Variants in FHDC1 observed in about 807,000 individuals in gnomAD.
FHDC1 encodes the protein FH2 domain containing 1.
In FHDC1, 25 loss-of-function variants were observed where a neutral mutation model predicts 52.6. That is an observed-to-expected ratio of 0.48 (90% CI 0.35 to 0.66). The LOEUF (loss-of-function observed/expected upper bound fraction) is 0.66. Ranked by LOEUF, FHDC1 falls within the 30% of genes least tolerant of loss-of-function variation. FHDC1 has a pLI of 0.01. For synonymous variants in FHDC1, 616 were observed against 581.5 expected (o/e 1.06, Z -0.85); for missense variants, 1,459 against 1,452.8 (o/e 1.00, Z -0.07).
chr4:152,925,110 A>C, the FHDC1 span, among the ~76,000 whole-genome samples: 1 of 152,090 alleles, frequency 6.6e-6, no homozygotes, highest in South Asian at 2.1e-4. Context: ...GAATGCCTTT[A>C]AAACCAGCTT....
intron 2 of FHDC1, among the ~76,000 whole-genome samples, chr4:152,948,555 C>G (rs1243682964): frequency 6.6e-6 from 1 of 152,146 alleles, no homozygotes; most frequent in African/African-American, 2.4e-5. Flanking sequence ...CTGGTTCAAG[C>G]AGTTCTTCTG....
the FHDC1 span, among the ~76,000 whole-genome samples, chr4:152,914,777 A>G: frequency 3.2e-4 from 49 of 152,314 alleles, no homozygotes; most frequent in South Asian, 7.9e-3. Context: ...TACAGGTGAA[A>G]TGTACATCTA....
the FHDC1 span, among the ~76,000 whole-genome samples, chr4:152,919,944 CTTTTTTTT>C: frequency 4.3e-5 from 3 of 70,300 alleles, no homozygotes; most frequent in African/African-American, 1.5e-4. Context: ...TAGGGAAGTT[CTTTTTTTT>C]TTTTTTTTTT....
chr4:152,976,200 G>C lies in FHDC1; in HGVS notation c.2909G>C (p.Gly970Ala). The C allele has an allele frequency of 6.2e-7, 1 of 1,612,864 alleles. No homozygotes were observed. Among genetic ancestry groups the C allele is most frequent in the Non-Finnish European group, 8.5e-7 (1 of 1,179,838 alleles). The change falls in exon 12 of 12, where the codon GGG becomes GCG. Residue 970 changes from glycine to alanine, a missense_variant. Gly to Ala is a moderately conservative substitution (Grantham distance 60). This residue lies in a region of FHDC1 where 939 missense variants were observed against 854.5 expected (regional missense o/e 1.10). Transcript: ENST00000511601. The stretch of plus-strand genomic sequence containing the variant: ...AGCGGCTCCAGCAGCACCCGTCCGG[G>C]GAGGGACGTTCCCCTGCAGCCCAGG... ...GSSGSSSTRPGRDVPLQPRGS... is the reference protein window; with the variant it reads ...GSSGSSSTRPARDVPLQPRGS...
At chr4:152,966,302 T>C (rs763906146) in intron 9 of FHDC1, among the ~76,000 whole-genome samples, 3 of 152,232 alleles carry the variant, frequency 2.0e-5, no homozygotes, top group Non-Finnish European at 2.9e-5. Flanking sequence ...GTCTCAGATA[T>C]GTGCCGGTGA....
chr4:152,963,015 T>C lies in FHDC1; in HGVS notation c.922-8T>C. 6.2e-7 allele frequency: 1 copy of C among 1,612,536 alleles called. No individual in the cohort carries two copies. The highest frequency in any genetic ancestry group is 1.1e-5 in the South Asian group (1 of 91,048). ...CATAATTTTTTCTTTTTGATTTGTCTTCTTTAGGGAGGGTATGCCGGCAAT... is the reference window on the plus strand; with the variant it reads ...CATAATTTTTTCTTTTTGATTTGTCCTCTTTAGGGAGGGTATGCCGGCAAT... On this transcript the variant is annotated splice_polypyrimidine_tract_variant and splice_region_variant and intron_variant, in intron 7 of 11. Transcript: ENST00000511601.
At chr4:152,964,825 A>G in intron 8 of FHDC1, 80 bp from the exon 9 acceptor site, 3 of 1,183,202 alleles carry the variant, frequency 2.5e-6, no homozygotes, top group Non-Finnish European at 3.7e-6. Flanking sequence ...CAGTGATTTT[A>G]AGATTCCTTT....
At chr4:152,963,644 T>C (rs1417827117) in intron 8 of FHDC1, among the ~76,000 whole-genome samples, 1 of 152,056 alleles carries the variant, frequency 6.6e-6, no homozygotes, top group Non-Finnish European at 1.5e-5. Context: ...TTTTCTGATG[T>C]GGAATTGACT....
chr4:152,925,414 A>T, the FHDC1 span, among the ~76,000 whole-genome samples: 1 of 152,190 alleles, frequency 6.6e-6, no homozygotes, highest in East Asian at 1.9e-4. Context: ...TGTCAGCTAG[A>T]TAGCCCTAAA....
chr4:152,976,397 G>C lies in FHDC1; in HGVS notation c.3106G>C (p.Ala1036Pro), dbSNP rs754237898. The stretch of plus-strand genomic sequence containing the variant: ...CGAACTACCCCGTGTCCCGAGCTTT[G>C]CCCGGAACACAGTGGCCTCCTCCTC... Reference protein sequence around the residue: ...PHELPRVPSFARNTVASSSRS... With the variant: ...PHELPRVPSFPRNTVASSSRS... Residue 1036 changes from alanine to proline, a missense_variant, in exon 12 of 12, where the codon GCC (alanine) becomes CCC (proline). Ala to Pro is a conservative substitution (Grantham distance 27). Coordinates refer to ENST00000511601, the MANE Select transcript of FHDC1 (RefSeq NM_001371116.1). 6.2e-7 allele frequency: 1 copy of C among 1,613,656 alleles called. No individual in the cohort carries two copies. Among genetic ancestry groups the C allele is most frequent in the East Asian group, 2.2e-5 (1 of 44,878 alleles).
At chr4:152,962,452 T>G (rs2149952769) in intron 6 of FHDC1, among the ~76,000 whole-genome samples, 1 of 152,344 alleles carries the variant, frequency 6.6e-6, no homozygotes, top group Middle Eastern at 3.4e-3. Context: ...GAGTAGTGGA[T>G]ATACAAGGAA....
At chr4:152,922,447 A>G in the FHDC1 span, among the ~76,000 whole-genome samples, 1 of 152,144 alleles carries the variant, frequency 6.6e-6, no homozygotes, top group African/African-American at 2.4e-5. Flanking sequence ...AACTGGTACC[A>G]TTCCTTCTGA....
chr4:152,968,035 T>A lies in FHDC1; in HGVS notation c.1156T>A (p.Ser386Thr). 6.2e-7 allele frequency: 1 copy of A among 1,613,910 alleles called. No individual in the cohort carries two copies. Among genetic ancestry groups the A allele is most frequent in the South Asian group, 1.1e-5 (1 of 91,052 alleles). ...ELHLLFVRTK[S>T]LKENIQRDGE... Reference sequence around the variant, plus strand: ...GCACTTGCTGTTTGTCAGGACAAAATCACTAAAAGAAAACATCCAGCGGGA... The same window carrying A: ...GCACTTGCTGTTTGTCAGGACAAAAACACTAAAAGAAAACATCCAGCGGGA... Residue 386 changes from serine (S) to threonine (T), a missense_variant, in exon 10 of 12, where the codon TCA (serine) becomes ACA (threonine). Coordinates refer to ENST00000511601, the MANE Select transcript of FHDC1 (RefSeq NM_001371116.1).
chr4:152,967,863 C>A, intron 9 of FHDC1, 117 bp from the exon 10 acceptor site: 1 of 695,188 alleles, frequency 1.4e-6, no homozygotes, highest in Non-Finnish European at 2.5e-6. Flanking sequence ...TAAATATCAT[C>A]ACAGTAGCTC....
rs773446032 is a variant in FHDC1, at chr4:152,976,068, G to A, written c.2777G>A (p.Gly926Glu). ...GWRRPELSSRGPSQNPPSSTD... is the reference protein window; with the variant it reads ...GWRRPELSSREPSQNPPSSTD... ...AGGCGACCAGAGCTGTCATCCCGGG[G>A]GCCCTCCCAGAATCCCCCCAGCAGC... is the stretch of plus-strand genomic sequence containing the variant. Residue 926 changes from glycine to glutamate, a missense_variant, in exon 12 of 12, where the codon GGG (glycine) becomes GAG (glutamate). Physicochemically the swap from Gly to Glu is moderately conservative, Grantham distance 98 (BLOSUM62 -2). Coordinates refer to ENST00000511601, the MANE Select transcript of FHDC1 (RefSeq NM_001371116.1). The A allele has an allele frequency of 6.2e-7, 1 of 1,600,656 alleles. No individual in the cohort carries two copies. The highest frequency in any genetic ancestry group is 8.5e-7 in the Non-Finnish European group (1 of 1,174,164).
intron 4 of FHDC1, 117 bp from the exon 5 acceptor site, chr4:152,960,448 T>C: frequency 1.1e-6 from 1 of 925,214 alleles, no homozygotes; most frequent in Non-Finnish European, 1.6e-6. Context: ...TCTAAATTAA[T>C]TTGAATTTAG....
intron 6 of FHDC1, among the ~76,000 whole-genome samples, chr4:152,962,540 A>G (rs1740310405): frequency 6.6e-6 from 1 of 152,206 alleles, no homozygotes; most frequent in Non-Finnish European, 1.5e-5. Flanking sequence ...TGCATTTTTC[A>G]CTAATTGAAA....
At chr4:152,969,918 C>G (rs546237978) in intron 10 of FHDC1, among the ~76,000 whole-genome samples, 59 of 152,346 alleles carry the variant, frequency 3.9e-4, no homozygotes, top group African/African-American at 1.4e-3. Context: ...ATCCGCCCAC[C>G]TCCCAAAGTG....
At chr4:152,948,306 G>T (rs978621520) in intron 2 of FHDC1, among the ~76,000 whole-genome samples, 2 of 152,172 alleles carry the variant, frequency 1.3e-5, no homozygotes, top group Admixed American at 1.3e-4. Context: ...CCTTCACCTT[G>T]AGGACATTAT....
Sources: gnomAD v4.1 joint callset for allele counts (sites outside exome capture counted in the v4.1 genomes callset) on GRCh38, gnomAD v4.1.1 for gene constraint, gnomAD v4.1.1 regional missense constraint, MANE v1.5 for transcripts, NCBI Gene and HGNC (gene_info 2026-07-23, HGNC 2026-07-21) for gene names.